Variants in SLCO3A1 observed in about 807,000 individuals in gnomAD.
SLCO3A1 encodes the protein PGE1 transporter.
A neutral mutation model predicts 63.1 loss-of-function variants in SLCO3A1; 27 were observed. That is an observed-to-expected ratio of 0.43 (90% CI 0.32 to 0.59). The LOEUF (loss-of-function observed/expected upper bound fraction) is 0.59, where lower values mean the gene tolerates loss of function less well. SLCO3A1 is among the 20% of genes least tolerant of loss of function. SLCO3A1 has a pLI of 0.09. For missense variants in SLCO3A1, 773 were observed against 945.8 expected (o/e 0.82, Z 2.40); for synonymous variants, 473 against 409.9 (o/e 1.15, Z -1.86).
At chr15:92,141,919 G>C (rs1215971263) in intron 7 of SLCO3A1, among the ~76,000 whole-genome samples, 1 of 152,200 alleles carries the variant, frequency 6.6e-6, no homozygotes, top group Non-Finnish European at 1.5e-5. Flanking sequence ...CTGCTGGAGA[G>C]GTTGCAGGGC....
chr15:91,875,109 T>G lies in SLCO3A1; in HGVS notation c.180+21021T>G, dbSNP rs1050493304. Among the ~76,000 whole-genome samples, 1 of 152,228 alleles carries G rather than the reference T, an allele frequency of 6.6e-6. No individual in the cohort carries two copies. On this transcript the variant is annotated intron_variant, in intron 1 of 9. Coordinates refer to ENST00000318445, the MANE Select transcript of SLCO3A1 (RefSeq NM_013272.4). The surrounding 1 kb of genome is among the most constrained non-coding windows in gnomAD (Gnocchi z 4.5). ...GCAGACAGTCTGTGTTGGTGCCCTT[T>G]TAATAGATGAGTCAGTTGCTGAAAT...
rs1321379946 is a variant in SLCO3A1 at position 92,165,560 on chromosome 15, T to C, written c.*2425T>C. ...GCATTTTGGATTTTTTTTCCTAAGA[T>C]TTTAGGATGAATGTGAAAAAGATGT... On this transcript the variant is annotated 3_prime_UTR_variant, in exon 10 of 10. Transcript: ENST00000318445. The C allele has an allele frequency of 1.8e-5, 18 of 984,502 alleles. No homozygotes were observed. The highest frequency in any genetic ancestry group is 5.2e-4 in the Middle Eastern group (1 of 1,934). 61.0% of individuals were successfully genotyped at this position (984,502 alleles called of 1,614,324 possible).
At chr15:92,004,552 C>T (rs769569713) in intron 2 of SLCO3A1, among the ~76,000 whole-genome samples, 17 of 152,152 alleles carry the variant, frequency 1.1e-4, no homozygotes, top group Non-Finnish European at 2.2e-4. Flanking sequence ...AATTATTGGC[C>T]ATTTTATTGA....
rs1248316415 is a variant in SLCO3A1, at chr15:91,880,391, C to CTGTGTGTGTGTGTGTG, written c.180+26304_180+26305insGTGTGTGTGTGTGTGT. Among the ~76,000 whole-genome samples the CTGTGTGTGTGTGTGTG allele has an allele frequency of 4.3e-3, 320 of 74,448 alleles. 1 individual carries two copies. Among genetic ancestry groups the CTGTGTGTGTGTGTGTG allele is most frequent in the East Asian group, 0.027 (47 of 1,742 alleles). 48.8% of individuals were successfully genotyped at this position (74,448 alleles called of 152,430 possible). ...TACCGGCACTCGTGCTTCTCTCTCT[C>CTGTGTGTGTGTGTGTG]TCTCTCTCTCTCTCTCTCTGTGTGT... On this transcript the variant is annotated intron_variant, in intron 1 of 9. Coordinates refer to ENST00000318445, the MANE Select transcript of SLCO3A1 (RefSeq NM_013272.4).
chr15:92,159,483 CAA>C (rs202140776), intron 9 of SLCO3A1, among the ~76,000 whole-genome samples: 1 of 128,432 alleles, frequency 7.8e-6, no homozygotes. Flanking sequence ...AACTCTGTCT[CAA>C]AAAAAAAAAA....
chr15:92,134,386 T>C (rs540945362), intron 7 of SLCO3A1, among the ~76,000 whole-genome samples: 15 of 152,268 alleles, frequency 9.9e-5, no homozygotes, highest in African/African-American at 3.6e-4. Flanking sequence ...CTGCTAGGCA[T>C]TGTAAGTGTA....
intron 1 of SLCO3A1, among the ~76,000 whole-genome samples, chr15:91,902,833 C>A (rs1200565750): frequency 6.6e-6 from 1 of 152,128 alleles, no homozygotes; most frequent in East Asian, 1.9e-4. Flanking sequence ...CCTGACCCTG[C>A]CATTTGCAAG....
chr15:91,867,837 C>G (rs1897202660), intron 1 of SLCO3A1, among the ~76,000 whole-genome samples: 1 of 152,136 alleles, frequency 6.6e-6, no homozygotes, highest in South Asian at 2.1e-4. Context: ...GGCTGGGAGG[C>G]CTGTGGAGGT....
At chr15:92,102,141 G>A (rs4984338) in intron 3 of SLCO3A1, among the ~76,000 whole-genome samples, 127,107 of 152,082 alleles carry the variant, frequency 0.84, 53,200 homozygotes, top group East Asian at 0.96. Context: ...ACAATGGAGG[G>A]AAATACTTCA....
intron 10 of SLCO3A1, chr15:92,171,331 CTG>C (rs1345215462): frequency 6.5e-6 from 1 of 154,102 alleles, no homozygotes; most frequent in African/African-American, 2.4e-5. Flanking sequence ...AAAAAACAAA[CTG>C]TCCCGAATGC....
At chr15:91,935,555 C>A (rs1399286955) in intron 2 of SLCO3A1, among the ~76,000 whole-genome samples, 1 of 152,160 alleles carries the variant, frequency 6.6e-6, no homozygotes, top group African/African-American at 2.4e-5. Context: ...TTGAGTTCAA[C>A]CAGCCTGATG....
intron 1 of SLCO3A1, among the ~76,000 whole-genome samples, chr15:91,901,021 G>T (rs944016102): frequency 6.6e-6 from 1 of 151,972 alleles, no homozygotes; most frequent in Non-Finnish European, 1.5e-5. Context: ...TGATGTAGTT[G>T]CATTTACACC....
intron 2 of SLCO3A1, among the ~76,000 whole-genome samples, chr15:91,978,862 A>G (rs1220431140): frequency 3.3e-5 from 5 of 152,212 alleles, no homozygotes; most frequent in Non-Finnish European, 1.5e-5. Flanking sequence ...GCCAAATCCT[A>G]TTGACCATAT....
intron 4 of SLCO3A1, among the ~76,000 whole-genome samples, chr15:92,116,842 C>T (rs552927827): frequency 6.6e-5 from 10 of 152,096 alleles, no homozygotes; most frequent in African/African-American, 2.4e-4. Context: ...AAGGAAATAG[C>T]GAACCCAAGA....
chr15:91,956,939 C>T (rs1900202700), intron 2 of SLCO3A1, among the ~76,000 whole-genome samples: 1 of 77,540 alleles, frequency 1.3e-5, no homozygotes, highest in African/African-American at 4.6e-5. Context: ...AGGCGCGCGC[C>T]ACCATGCCTG....
intron 1 of SLCO3A1, among the ~76,000 whole-genome samples, chr15:91,896,186 G>A (rs1897998380): frequency 6.6e-6 from 1 of 152,096 alleles, no homozygotes; most frequent in South Asian, 2.1e-4. Context: ...ATTAAAGCAG[G>A]GCCTTTTCCT....
chr15:92,125,556 C>T (rs2047910925), intron 5 of SLCO3A1, among the ~76,000 whole-genome samples: 1 of 152,084 alleles, frequency 6.6e-6, no homozygotes, highest in Non-Finnish European at 1.5e-5. Flanking sequence ...TGGTGAATTC[C>T]GTGACCTTTA....
At chr15:92,044,795 G>A (rs529913152) in intron 2 of SLCO3A1, among the ~76,000 whole-genome samples, 3 of 152,054 alleles carry the variant, frequency 2.0e-5, no homozygotes, top group Non-Finnish European at 4.4e-5. Context: ...TCTGTCCATC[G>A]ATTCCTCTTT....
At chr15:92,100,746 G>T (rs962517536) in intron 3 of SLCO3A1, among the ~76,000 whole-genome samples, 4 of 152,192 alleles carry the variant, frequency 2.6e-5, no homozygotes, top group African/African-American at 9.7e-5. Context: ...GGGTAGGCTA[G>T]GTTATGTTGC....
Sources: gnomAD v4.1 joint callset for allele counts (sites outside exome capture counted in the v4.1 genomes callset) on GRCh38, gnomAD v4.1.1 for gene constraint, Gnocchi (gnomAD v3.1) non-coding constraint, MANE v1.5 for transcripts, NCBI Gene and HGNC (gene_info 2026-07-23, HGNC 2026-07-21) for gene names.